Variants in CRISPLD2 observed in about 807,000 individuals in gnomAD.
The protein encoded by CRISPLD2 is cysteine rich secretory protein LCCL domain containing 2.
In CRISPLD2, 47 loss-of-function variants were observed where a neutral mutation model predicts 71.1. That is an observed-to-expected ratio of 0.66 (90% CI 0.52 to 0.84). CRISPLD2 has a LOEUF of 0.84. Among genes scored for constraint, CRISPLD2 ranks in the 40% least tolerant of loss-of-function variants. The pLI is 0.00. For synonymous variants in CRISPLD2, 317 were observed against 250.1 expected (o/e 1.27, Z -2.52); for missense variants, 830 against 651.1 (o/e 1.27, Z -2.99).
intron 13 of CRISPLD2, among the ~76,000 whole-genome samples, chr16:84,888,457 G>T (rs180846221): frequency 1.3e-5 from 2 of 152,226 alleles, no homozygotes; most frequent in Non-Finnish European, 2.9e-5. Flanking sequence ...GATCCCTTGA[G>T]CCTGGAAGGT....
intron 13 of CRISPLD2, among the ~76,000 whole-genome samples, chr16:84,886,701 C>G (rs989988096): frequency 2.2e-4 from 34 of 152,140 alleles, no homozygotes; most frequent in Admixed American, 1.8e-3. Flanking sequence ...CGCATGCCTG[C>G]GATCCCAGCT....
At chr16:84,835,030 C>G (rs1916581683) in intron 1 of CRISPLD2, among the ~76,000 whole-genome samples, 2 of 152,162 alleles carry the variant, frequency 1.3e-5, no homozygotes, top group South Asian at 4.1e-4. Flanking sequence ...CCTGTGCACC[C>G]AGCACTGGGC....
intron 14 of CRISPLD2, among the ~76,000 whole-genome samples, chr16:84,901,833 G>A (rs1310343590): frequency 3.4e-5 from 4 of 116,126 alleles, no homozygotes; most frequent in South Asian, 2.7e-4. Context: ...TCACTGTATC[G>A]CCCAGGGTGG....
At chr16:84,876,719 G>C (rs560729401) in intron 11 of CRISPLD2, among the ~76,000 whole-genome samples, 1 of 152,274 alleles carries the variant, frequency 6.6e-6, no homozygotes, top group East Asian at 1.9e-4. Flanking sequence ...GTTGAACTCA[G>C]GGGTGGAGGT....
intron 13 of CRISPLD2, among the ~76,000 whole-genome samples, chr16:84,884,186 A>G (rs979747711): frequency 6.6e-6 from 1 of 152,106 alleles, no homozygotes; most frequent in African/African-American, 2.4e-5. Flanking sequence ...CCTCACTGTC[A>G]TCACCCTAGG....
At chr16:84,899,144 C>G (rs957530452) in intron 14 of CRISPLD2, among the ~76,000 whole-genome samples, 3 of 152,154 alleles carry the variant, frequency 2.0e-5, no homozygotes, top group Admixed American at 6.5e-5. Flanking sequence ...CCTACGTTAG[C>G]CTCCCAAAGT....
chr16:84,873,913 T>TTA lies in CRISPLD2; in HGVS notation c.1113-7_1113-6insTA. Reference sequence around the variant, plus strand: ...TGCCCGTTTTTTTTTTTTTTTTTTTTAAACAGCAAATACAAACCTTCCAGC... The same window carrying TTA: ...TGCCCGTTTTTTTTTTTTTTTTTTTTTAAAACAGCAAATACAAACCTTCCAGC... On this transcript the variant is annotated splice_region_variant and splice_polypyrimidine_tract_variant and intron_variant, in intron 10 of 14. Coordinates refer to ENST00000262424, the MANE Select transcript of CRISPLD2 (RefSeq NM_031476.4). 1.4e-6 allele frequency: 2 copies of TTA among 1,444,752 alleles called. No individual in the cohort carries two copies. The highest frequency in any genetic ancestry group is 1.3e-5 in the South Asian group (1 of 74,930). The allele number at this position is 1,444,752 out of a possible 1,614,324, so 89.5% of individuals were successfully genotyped here.
At chr16:84,890,157 G>A (rs1194036998) in intron 14 of CRISPLD2, among the ~76,000 whole-genome samples, 1 of 152,032 alleles carries the variant, frequency 6.6e-6, no homozygotes, top group East Asian at 1.9e-4. Flanking sequence ...AGGAGATCGA[G>A]ACCATCCTGG....
intron 6 of CRISPLD2, among the ~76,000 whole-genome samples, chr16:84,861,799 C>T (rs917118661): frequency 6.6e-6 from 1 of 152,118 alleles, no homozygotes; most frequent in East Asian, 1.9e-4. Context: ...TGGTCACGTG[C>T]ACCTGTGGTC....
intron 13 of CRISPLD2, among the ~76,000 whole-genome samples, chr16:84,882,347 C>CAAAAAAAAAAAAAAAA (rs80146835): frequency 6.5e-5 from 5 of 77,462 alleles, no homozygotes; most frequent in Admixed American, 3.3e-4. Context: ...ACCAATAAAG[C>CAAAAAAAAAAAAAAAA]AAAAAAAAAA....
intron 9 of CRISPLD2, among the ~76,000 whole-genome samples, 186 bp downstream of exon 9, chr16:84,872,694 A>T (rs578076706): frequency 1.3e-5 from 2 of 152,198 alleles, no homozygotes; most frequent in African/African-American, 4.8e-5. Context: ...TCGGGGACCA[A>T]TCCTCCTGAA....
At position 84,893,940 on chromosome 16, in the gene CRISPLD2, C is replaced by T. The variant is rs74031020; in HGVS notation, c.1439+4577C>T. Among the ~76,000 whole-genome samples, 1,227 of 152,288 alleles carry T rather than the reference C, an allele frequency of 8.1e-3. 15 individuals are homozygous for T. The highest frequency in any genetic ancestry group is 0.028 in the African/African-American group (1,174 of 41,540). ...CGGTCACAGGCAGTCCCAAGGGAGA[C>T]GTAGATGTTGTATATACTGTGACCA... On this transcript the variant is annotated intron_variant, in intron 14 of 14. Transcript: ENST00000262424.
intron 14 of CRISPLD2, among the ~76,000 whole-genome samples, chr16:84,897,638 T>A (rs1214240540): frequency 6.6e-6 from 1 of 152,148 alleles, no homozygotes; most frequent in Admixed American, 6.5e-5. Flanking sequence ...AGACGGAGTT[T>A]CAGAGTTTCG....
At chr16:84,862,976 A>G (rs138381328) in intron 6 of CRISPLD2, 9 of 152,280 alleles carry the variant, frequency 5.9e-5, no homozygotes, top group East Asian at 3.9e-4. Context: ...CAGACCATGT[A>G]TCTGGGTCTG....
intron 13 of CRISPLD2, among the ~76,000 whole-genome samples, chr16:84,888,625 A>G (rs1278752290): frequency 6.6e-6 from 1 of 152,220 alleles, no homozygotes; most frequent in Non-Finnish European, 1.5e-5. Flanking sequence ...ACCTCCTGCC[A>G]CGCTCTGCCT....
At chr16:84,868,772 A>T (rs1311868464) in intron 7 of CRISPLD2, 79 bp from the exon 8 acceptor site, 1 of 1,130,238 alleles carries the variant, frequency 8.8e-7, no homozygotes, top group African/African-American at 1.5e-5. Flanking sequence ...ATGTTCCAGA[A>T]TGTCCCTCAG....
Position 84,908,266 on chromosome 16 carries a change from C to A in CRISPLD2, c.*1624C>A, listed in dbSNP as rs1165311483. ...CTCTTAGCTTGACTGAGCTAAAATT[C>A]ACAGGACTACGTGCTTTGTGCATTG... On this transcript the variant is annotated 3_prime_UTR_variant, in exon 15 of 15. Transcript: ENST00000262424. 6.6e-6 allele frequency: 1 copy of A among 152,200 alleles called. No homozygotes were observed. Among genetic ancestry groups the A allele is most frequent in the East Asian group, 1.9e-4 (1 of 5,196 alleles). 9.4% of individuals were successfully genotyped at this position (152,200 alleles called of 1,614,324 possible).
chr16:84,846,625 C>G (rs1916921638), intron 3 of CRISPLD2, among the ~76,000 whole-genome samples: 2 of 152,156 alleles, frequency 1.3e-5, no homozygotes, highest in African/African-American at 4.8e-5. Context: ...GTGAACTGCT[C>G]TGTTCATGGT....
intron 7 of CRISPLD2, among the ~76,000 whole-genome samples, chr16:84,867,860 T>G (rs540539883): frequency 6.6e-6 from 1 of 152,188 alleles, no homozygotes; most frequent in African/African-American, 2.4e-5. Flanking sequence ...CTCCCCAAGC[T>G]TTTGTTCTGT....
Sources: allele counts gnomAD v4.1 joint callset (sites outside exome capture counted in the v4.1 genomes callset), GRCh38; gene constraint gnomAD v4.1.1; transcripts MANE v1.5; gene names NCBI Gene and HGNC (gene_info 2026-07-23, HGNC 2026-07-21).